The following ASAP3 variants were observed in gnomAD, a reference collection of about 807,000 sequenced individuals.
ASAP3 encodes the protein ArfGAP with SH3 domain, ankyrin repeat and PH domain 3, also known as arf-GAP with SH3 domain, ANK repeat and PH domain-containing protein 3.
In ASAP3, 85 loss-of-function variants were observed where a neutral mutation model predicts 118.2. That is an observed-to-expected ratio of 0.72 (90% CI 0.60 to 0.86). ASAP3 has a LOEUF of 0.86. Among genes scored for constraint, ASAP3 ranks in the 40% least tolerant of loss-of-function variants. The pLI is 0.00. For synonymous variants in ASAP3, 432 were observed against 477.4 expected (o/e 0.90, Z 1.24); for missense variants, 1,026 against 1,175.0 (o/e 0.87, Z 1.85).
At position 23,438,960 on chromosome 1, in the gene ASAP3, G is replaced by T; in HGVS notation, c.1015-126C>A. 2 of 1,157,194 alleles carry T rather than the reference G, an allele frequency of 1.7e-6. No individual in the cohort carries two copies. The highest frequency in any genetic ancestry group is 1.4e-5 in the South Asian group (1 of 73,950). The allele number at this position is 1,157,194 out of a possible 1,614,324, so 71.7% of individuals were successfully genotyped here. ...TTCCATTTGTGTTTCTCCTCACCCAGCAGCACCTCAAGGATGTGAAGTGTA... is the reference window on the plus strand; with the variant it reads ...TTCCATTTGTGTTTCTCCTCACCCATCAGCACCTCAAGGATGTGAAGTGTA... On this transcript the variant is annotated intron_variant, in intron 11 of 24. Transcript: ENST00000336689. This position sits in a 1 kb window ranked among gnomAD's most constrained non-coding sequence, Gnocchi z 4.9.
In ASAP3 at chr1:23,440,985, T is replaced by G. The variant is rs548741346; in HGVS notation, c.944+117A>C. ...AACCCAGGAATTGAGGATTTTACAT[T>G]GCAACCCTCGGTGTCTACACAAATG... On this transcript the variant is annotated intron_variant, in intron 10 of 24. Coordinates refer to ENST00000336689, the MANE Select transcript of ASAP3 (RefSeq NM_017707.4). 834 of 936,122 alleles carry G rather than the reference T, an allele frequency of 8.9e-4. 2 individuals carry two copies. The highest frequency in any genetic ancestry group is 1.1e-3 in the Non-Finnish European group (686 of 610,152). 58.0% of individuals were successfully genotyped at this position (936,122 alleles called of 1,614,324 possible). A position where few individuals can be genotyped will look rare whatever the true frequency, so the allele number is the denominator to read the frequency against.
chr1:23,473,972 C>G, intron 1 of ASAP3, among the ~76,000 whole-genome samples: 1 of 85,668 alleles, frequency 1.2e-5, no homozygotes, highest in South Asian at 5.1e-4. Flanking sequence ...ATTAAATCTG[C>G]TCTTTTTTTT....
intron 1 of ASAP3, 69 bp from the exon 2 acceptor site, chr1:23,456,263 G>T: frequency 6.8e-7 from 1 of 1,465,598 alleles, no homozygotes; most frequent in Non-Finnish European, 9.4e-7. Flanking sequence ...CAGGAACGCT[G>T]TATCTATGAT....
intron 11 of ASAP3, 152 bp downstream of exon 11, chr1:23,439,009 C>T (rs1640773178): frequency 1.8e-6 from 2 of 1,103,410 alleles, no homozygotes; most frequent in South Asian, 2.9e-5. Context: ...TTGGGGCCTT[C>T]AGGTCCCATC....
intron 1 of ASAP3, among the ~76,000 whole-genome samples, chr1:23,482,047 A>C (rs190275776): frequency 6.6e-6 from 1 of 152,346 alleles, no homozygotes; most frequent in African/African-American, 2.4e-5. Context: ...AAGGAAGCCA[A>C]ATCTGACCGG....
In ASAP3 at chr1:23,441,671, G is replaced by T. The variant is rs767623836; in HGVS notation, c.731C>A (p.Ala244Glu). ...CCAACTTACTGCATGTACTGAGGCC[G>T]CCAGCTTCTCGATGAAGGGGAACAG... Reference protein sequence around the residue: ...QSLFPFIEKLAASVHALHQAQ... With the variant: ...QSLFPFIEKLEASVHALHQAQ... The change falls in exon 8 of 25, where the codon GCG becomes GAG. Residue 244 changes from alanine (A) to glutamate (E), a missense_variant. Coordinates refer to ENST00000336689, the MANE Select transcript of ASAP3 (RefSeq NM_017707.4). 2 of 1,614,030 alleles carry T rather than the reference G, an allele frequency of 1.2e-6. No homozygotes were observed. The highest frequency in any genetic ancestry group is 1.3e-5 in the African/African-American group (1 of 74,916).
At chr1:23,441,251 A>T in intron 9 of ASAP3, 40 bp from the exon 10 acceptor site, 1 of 1,610,902 alleles carries the variant, frequency 6.2e-7, no homozygotes, top group Non-Finnish European at 8.5e-7. Context: ...AGGGCATCTC[A>T]GTGGGAAGAG....
chr1:23,474,860 G>C (rs1642076720), intron 1 of ASAP3, among the ~76,000 whole-genome samples: 1 of 152,164 alleles, frequency 6.6e-6, no homozygotes, highest in African/African-American at 2.4e-5. Flanking sequence ...TGGGATTACG[G>C]GTGTGGGCCA....
At chr1:23,483,686 C>G (rs1182780351) in intron 1 of ASAP3, among the ~76,000 whole-genome samples, 1 of 152,152 alleles carries the variant, frequency 6.6e-6, no homozygotes, top group Non-Finnish European at 1.5e-5. Context: ...AAGATGAAAA[C>G]GCAAACTGAG....
In ASAP3 at chr1:23,455,969, T is replaced by C. The variant is rs1417694845; in HGVS notation, c.260A>G (p.His87Arg). Reference protein sequence around the residue: ...REAVESLGNSHLSQNSHELST... With the variant: ...REAVESLGNSRLSQNSHELST... ...CAGCTCATGGCTGTTCTGGGACAGG[T>C]GGCTGTTGCCTAAGGATTCCACGGC... The change falls in exon 3 of 25, where the codon CAC becomes CGC. Residue 87 changes from histidine (H) to arginine (R), a missense_variant. Transcript: ENST00000336689. 1 of 1,614,082 alleles carries C rather than the reference T, an allele frequency of 6.2e-7. No homozygotes were observed. The highest frequency in any genetic ancestry group is 1.1e-5 in the South Asian group (1 of 91,070).
rs1453717945 is a variant in ASAP3 at position 23,433,606 on chromosome 1, T to C, written c.2019+20A>G. The C allele has an allele frequency of 6.2e-7, 1 of 1,614,076 alleles. No individual in the cohort carries two copies. Among genetic ancestry groups the C allele is most frequent in the South Asian group, 1.1e-5 (1 of 91,088 alleles). On this transcript the variant is annotated intron_variant, in intron 20 of 24. Coordinates refer to ENST00000336689, the MANE Select transcript of ASAP3 (RefSeq NM_017707.4). ...GGAGAGAGAAAGAGTCAGGGGCCCC[T>C]TGCCTCCCCGAGTCCTCACCAGCTC...
At chr1:23,473,984 T>TTTTTTTTA in intron 1 of ASAP3, among the ~76,000 whole-genome samples, 1 of 135,704 alleles carries the variant, frequency 7.4e-6, no homozygotes, top group South Asian at 2.6e-4. Context: ...CTTTTTTTTT[T>TTTTTTTTA]TTTTTTTTTT....
intron 1 of ASAP3, among the ~76,000 whole-genome samples, chr1:23,480,777 G>A (rs1344142190): frequency 6.6e-6 from 1 of 152,180 alleles, no homozygotes; most frequent in Non-Finnish European, 1.5e-5. Context: ...ACTGCCCTAG[G>A]CCCGGTTTCA....
intron 1 of ASAP3, among the ~76,000 whole-genome samples, chr1:23,467,642 CAAACAAACTAAG>C (rs1486247100): frequency 6.6e-6 from 1 of 152,000 alleles, no homozygotes; most frequent in Admixed American, 6.6e-5. Flanking sequence ...ACTGGAAATG[CAAACAAACTAAG>C]AAACAAATAC....
Position 23,437,581 on chromosome 1 carries a change from C to A in ASAP3, c.1103-109G>T. 1 of 1,351,248 alleles carries A rather than the reference C, an allele frequency of 7.4e-7. No individual in the cohort carries two copies. Among genetic ancestry groups the A allele is most frequent in the East Asian group, 2.4e-5 (1 of 41,546 alleles). The allele number at this position is 1,351,248 out of a possible 1,614,324, so 83.7% of individuals were successfully genotyped here. On this transcript the variant is annotated intron_variant, in intron 12 of 24. Transcript: ENST00000336689. The surrounding 1 kb of genome is among the most constrained non-coding windows in gnomAD (Gnocchi z 6.1). ...GGGCCACATGGAGATGTGTCCCTGACAAGTCGGACTCTCAAGCTAGGAGTG... is the reference window on the plus strand; with the variant it reads ...GGGCCACATGGAGATGTGTCCCTGAAAAGTCGGACTCTCAAGCTAGGAGTG...
At position 23,434,687 on chromosome 1, in the gene ASAP3, T is replaced by C. The variant is rs1051081490; in HGVS notation, c.1750-69A>G. The C allele has an allele frequency of 2.6e-5, 38 of 1,464,974 alleles. No individual in the cohort carries two copies. In the Admixed American group the frequency reaches 7.0e-4, roughly 27 times the overall value. The allele number at this position is 1,464,974 out of a possible 1,614,324, so 90.7% of individuals were successfully genotyped here. On this transcript the variant is annotated intron_variant, in intron 17 of 24. Coordinates refer to ENST00000336689, the MANE Select transcript of ASAP3 (RefSeq NM_017707.4). ...CTGCCTCCAACCCAGTATTTCCCTC[T>C]TGAACTCTTGCTAACCCCTTATCCC... is the stretch of plus-strand genomic sequence containing the variant.
At chr1:23,444,189 G>A (rs1370345366) in intron 5 of ASAP3, among the ~76,000 whole-genome samples, 1 of 152,180 alleles carries the variant, frequency 6.6e-6, no homozygotes, top group East Asian at 1.9e-4. Flanking sequence ...CTTTTTAAGT[G>A]GAGACAGAAA....
At chr1:23,434,496 T>G (rs1368916419) in intron 18 of ASAP3, 37 bp downstream of exon 18, 14 of 1,604,704 alleles carry the variant, frequency 8.7e-6, no homozygotes, top group Admixed American at 1.7e-5. Flanking sequence ...GGAGAGGGAG[T>G]GTGAGGAGCC....
At chr1:23,441,349 G>T (rs747859773) in intron 9 of ASAP3, 38 bp downstream of exon 9, 5 of 1,611,230 alleles carry the variant, frequency 3.1e-6, no homozygotes, top group East Asian at 2.2e-5. Flanking sequence ...GTGGGCCTTG[G>T]GGGAGGGCAT....
Sources: gnomAD v4.1 joint callset for allele counts (sites outside exome capture counted in the v4.1 genomes callset) on GRCh38, gnomAD v4.1.1 for gene constraint, Gnocchi (gnomAD v3.1) non-coding constraint, MANE v1.5 for transcripts, NCBI Gene and HGNC (gene_info 2026-07-23, HGNC 2026-07-21) for gene names.